Variants in P2RY6 observed in about 807,000 individuals in gnomAD.
P2RY6 encodes pyrimidinergic receptor P2Y6, also known as P2Y purinoceptor 6.
Under a neutral mutation model 16.3 loss-of-function variants are expected in P2RY6, and 19 were observed. The ratio of observed to expected loss-of-function variants is 1.16; its 90% CI spans 0.81 to 1.71. P2RY6 has a LOEUF of 1.71. Among genes scored for constraint, P2RY6 ranks in the 40% most tolerant of loss-of-function variants. The probability of loss-of-function intolerance (pLI) is 0.00; values close to 1 mark genes in which losing one functional copy is unlikely to be tolerated. For missense variants in P2RY6, 389 were observed against 455.5 expected, an observed-to-expected ratio of 0.85 and a Z score of 1.33; for synonymous variants, 184 against 201.5, an observed-to-expected ratio of 0.91 and a Z score of 0.74.
Position 73,292,947 on chromosome 11 carries a change from T to C in P2RY6, c.-120-2783T>C, listed in dbSNP as rs900988143. ...TGAGTGTCAGTGCATCTTGGGGCCA[T>C]GGGCCAGTGCAGGGGTTGCGGGGGG... On this transcript the variant is annotated intron_variant, in intron 1 of 2. Coordinates refer to ENST00000540124, the MANE Select transcript of P2RY6 (RefSeq NM_001277204.2). The C allele has an allele frequency of 2.9e-4, 94 of 324,584 alleles. No homozygotes were observed. The African/African-American group carries it at 5.9e-3, about 20-fold the overall frequency. 20.1% of individuals were successfully genotyped at this position (324,584 alleles called of 1,614,324 possible).
Position 73,297,142 on chromosome 11 carries a change from G to T in P2RY6, c.624G>T (p.Leu208=), listed in dbSNP as rs1554993122. The change falls in exon 3 of 3, where the codon CTG becomes CTT. Residue 208 remains leucine, a synonymous_variant. Coordinates refer to ENST00000540124, the MANE Select transcript of P2RY6 (RefSeq NM_001277204.2). ...VIGFLLPFAA[L]LACYCLLACR... ...GCTTCCTGCTGCCCTTTGCTGCCCT[G>T]CTGGCCTGCTACTGTCTCCTGGCCT... is the stretch of plus-strand genomic sequence containing the variant. 1.9e-6 allele frequency: 3 copies of T among 1,604,920 alleles called. No individual in the cohort carries two copies. The South Asian group carries it at 3.3e-5, about 18-fold the overall frequency.
intron 1 of P2RY6, among the ~76,000 whole-genome samples, chr11:73,281,624 C>T (rs1863767224): frequency 6.6e-6 from 1 of 152,230 alleles, no homozygotes; most frequent in Non-Finnish European, 1.5e-5. Context: ...AGAACTCCAC[C>T]CCTCACCAGC....
At chr11:73,288,728 AGTAG>A (rs1038742912) in intron 1 of P2RY6, among the ~76,000 whole-genome samples, 2 of 151,774 alleles carry the variant, frequency 1.3e-5, no homozygotes, top group African/African-American at 4.8e-5. Flanking sequence ...GACCCTGTAT[AGTAG>A]GTAGGTACCA....
upstream of P2RY6, chr11:73,270,275 T>C (rs1480565938): frequency 6.6e-6 from 1 of 152,208 alleles, no homozygotes; most frequent in Non-Finnish European, 1.5e-5. Context: ...AAAACTCTCA[T>C]GAGCTGGGGT....
At chr11:73,272,839 T>C (rs1472835129) in intron 1 of P2RY6, among the ~76,000 whole-genome samples, 1 of 152,124 alleles carries the variant, frequency 6.6e-6, no homozygotes, top group Admixed American at 6.6e-5. Context: ...TTTCTTACTC[T>C]CTAAAATGGG....
At chr11:73,296,405 A>G in intron 2 of P2RY6, 80 bp from the exon 3 acceptor site, 1 of 1,277,266 alleles carries the variant, frequency 7.8e-7, no homozygotes. Flanking sequence ...TCAGACAGGG[A>G]GATCAAGGCC....
At chr11:73,273,363 G>A (rs1236571737) in intron 1 of P2RY6, among the ~76,000 whole-genome samples, 1 of 152,014 alleles carries the variant, frequency 6.6e-6, no homozygotes, top group Admixed American at 6.6e-5. Flanking sequence ...AAATGAGAAG[G>A]CCCTTTGCAA....
intron 1 of P2RY6, among the ~76,000 whole-genome samples, chr11:73,290,355 GA>G (rs370918471): frequency 2.6e-5 from 3 of 114,574 alleles, no homozygotes; most frequent in Admixed American, 8.2e-5. Flanking sequence ...AAGAAAGAAA[GA>G]AAGAAAGAAG....
At chr11:73,288,024 G>C (rs764267133) in intron 1 of P2RY6, among the ~76,000 whole-genome samples, 2 of 152,304 alleles carry the variant, frequency 1.3e-5, no homozygotes, top group Non-Finnish European at 2.9e-5. Flanking sequence ...GGGGCCGCGT[G>C]GTCTCTAACC....
chr11:73,269,852 C>T (rs1273504229), upstream of P2RY6: 2 of 152,362 alleles, frequency 1.3e-5, no homozygotes, highest in Admixed American at 1.3e-4. Flanking sequence ...TCCTTCCCAG[C>T]CTTGTCTCTT....
At chr11:73,294,769 G>A (rs1237923163) in intron 1 of P2RY6, among the ~76,000 whole-genome samples, 2 of 152,176 alleles carry the variant, frequency 1.3e-5, no homozygotes, top group Non-Finnish European at 2.9e-5. Flanking sequence ...TTACTTAGTA[G>A]GTACAGTAAG....
chr11:73,286,101 G>A (rs1286348493), intron 1 of P2RY6, among the ~76,000 whole-genome samples: 1 of 152,216 alleles, frequency 6.6e-6, no homozygotes, highest in Non-Finnish European at 1.5e-5. Flanking sequence ...GGAGGCTTCA[G>A]AGAGCCCCCT....
At chr11:73,296,234 ATATAT>A (rs1214629032) in intron 2 of P2RY6, among the ~76,000 whole-genome samples, 2,693 of 98,816 alleles carry the variant, frequency 0.027, 80 homozygotes, top group African/African-American at 0.11. Flanking sequence ...AAAAAAAAAA[ATATAT>A]ATATATATAT....
chr11:73,296,017 T>G (rs1864458347), intron 2 of P2RY6, among the ~76,000 whole-genome samples: 1 of 151,986 alleles, frequency 6.6e-6, no homozygotes, highest in South Asian at 2.1e-4. Flanking sequence ...CATGATTTAG[T>G]GCTTCTAACC....
At chr11:73,266,551 G>C (rs1468171419) in intron 1 of P2RY6, among the ~76,000 whole-genome samples, 3 of 151,970 alleles carry the variant, frequency 2.0e-5, no homozygotes, top group African/African-American at 7.3e-5. Flanking sequence ...AGCAGAAGTG[G>C]ACCAGGAGGC....
rs1246979412 is a variant in P2RY6, at chr11:73,297,166, C to T, written c.648C>T (p.Ala216=). The T allele has an allele frequency of 1.2e-6, 2 of 1,604,392 alleles. No homozygotes were observed. The highest frequency in any genetic ancestry group is 1.7e-6 in the Non-Finnish European group (2 of 1,179,796). Reference sequence around the variant, plus strand: ...TGCTGGCCTGCTACTGTCTCCTGGCCTGCCGCCTGTGCCGCCAGGATGGCC... The same window carrying T: ...TGCTGGCCTGCTACTGTCTCCTGGCTTGCCGCCTGTGCCGCCAGGATGGCC... ...AALLACYCLL[A]CRLCRQDGPA... The change falls in exon 3 of 3, where the codon GCC becomes GCT. Residue 216 remains alanine, a synonymous_variant. Coordinates refer to ENST00000540124, the MANE Select transcript of P2RY6 (RefSeq NM_001277204.2).
chr11:73,289,827 T>C (rs6592518), intron 1 of P2RY6, among the ~76,000 whole-genome samples: 6,924 of 152,304 alleles, frequency 0.045, 171 homozygotes, highest in Middle Eastern at 0.099. Context: ...TGGCCCTTCC[T>C]GAGCCTTAGT....
intron 1 of P2RY6, among the ~76,000 whole-genome samples, chr11:73,293,158 T>C (rs778873725): frequency 2.6e-4 from 40 of 152,086 alleles, no homozygotes; most frequent in Middle Eastern, 3.4e-3. Flanking sequence ...TTTTGATGAA[T>C]GGAGATTAGT....
upstream of P2RY6, chr11:73,271,453 A>G (rs1018349455): frequency 2.6e-5 from 4 of 152,218 alleles, no homozygotes; most frequent in Admixed American, 2.6e-4. Context: ...TCACAGCTCT[A>G]AGGGGGTCCA....
Sources: allele counts gnomAD v4.1 joint callset (sites outside exome capture counted in the v4.1 genomes callset), GRCh38; gene constraint gnomAD v4.1.1; transcripts MANE v1.5; gene names NCBI Gene and HGNC (gene_info 2026-07-23, HGNC 2026-07-21).